The following KCTD5 variants were observed in gnomAD, a reference collection of about 807,000 sequenced individuals.
KCTD5 encodes the protein potassium channel tetramerization domain containing 5, also known as BTB/POZ domain-containing protein KCTD5.
In KCTD5, 12 loss-of-function variants were observed where a neutral mutation model predicts 27.9. The observed-to-expected ratio is 0.43, with a 90% CI of 0.28 to 0.70. The LOEUF (loss-of-function observed/expected upper bound fraction) is 0.70. Ranked by LOEUF, KCTD5 falls within the 30% of genes least tolerant of loss-of-function variation. The pLI, the probability that KCTD5 is intolerant of heterozygous loss-of-function variation, is 0.19. For synonymous variants in KCTD5, 147 were observed against 121.4 expected (o/e 1.21, Z -1.39); for missense variants, 226 against 274.8 (o/e 0.82, Z 1.26).
intron 1 of KCTD5, among the ~76,000 whole-genome samples, chr16:2,690,343 C>T (rs550549913): frequency 2.2e-4 from 33 of 152,330 alleles, no homozygotes; most frequent in South Asian, 4.1e-4. Context: ...TCCTGCCCGG[C>T]CTACGTCCTG....
rs566403819 is a variant in KCTD5 at position 2,707,892 on chromosome 16, C to T, written c.*565C>T. The T allele has an allele frequency of 1.3e-3, 210 of 167,320 alleles. No individual in the cohort carries two copies. Among genetic ancestry groups the T allele is most frequent in the African/African-American group, 4.7e-3 (197 of 42,086 alleles). The allele number at this position is 167,320 out of a possible 1,614,324, so 10.4% of individuals were successfully genotyped here. On this transcript the variant is annotated 3_prime_UTR_variant, in exon 6 of 6. Coordinates refer to ENST00000301738, the MANE Select transcript of KCTD5 (RefSeq NM_018992.4). Reference sequence around the variant, plus strand: ...CTGCTTCCCGGCGCCATTCCGAGGCCGGGCCTTCTTCTGACACGGGCTCCA... The same window carrying T: ...CTGCTTCCCGGCGCCATTCCGAGGCTGGGCCTTCTTCTGACACGGGCTCCA...
intron 5 of KCTD5, among the ~76,000 whole-genome samples, chr16:2,703,073 C>T (rs977103855): frequency 6.6e-6 from 1 of 152,208 alleles, no homozygotes; most frequent in East Asian, 1.9e-4. Flanking sequence ...TGCGGGGGCT[C>T]AGGCCCTTCT....
intron 4 of KCTD5, among the ~76,000 whole-genome samples, chr16:2,701,476 G>T (rs1484048842): frequency 6.6e-6 from 1 of 152,182 alleles, no homozygotes; most frequent in African/African-American, 2.4e-5. Flanking sequence ...GGGCATGGCC[G>T]TGAGTGCTCC....
At chr16:2,690,719 C>T (rs987472743) in intron 1 of KCTD5, among the ~76,000 whole-genome samples, 3 of 152,226 alleles carry the variant, frequency 2.0e-5, no homozygotes, top group African/African-American at 4.8e-5. Flanking sequence ...TTTCCTTCCT[C>T]GTGTCATGGG....
chr16:2,703,710 C>T (rs903443184), intron 5 of KCTD5, among the ~76,000 whole-genome samples: 8 of 152,200 alleles, frequency 5.3e-5, no homozygotes, highest in African/African-American at 1.9e-4. Flanking sequence ...GCTGGCCACC[C>T]GTTGTGCTCT....
rs540466129 is a variant in KCTD5 at position 2,706,272 on chromosome 16, G to T, written c.676-1026G>T. Among the ~76,000 whole-genome samples, 3 of 152,320 alleles carry T rather than the reference G, an allele frequency of 2.0e-5. No individual in the cohort carries two copies. In the East Asian group the frequency reaches 5.8e-4, roughly 29 times the overall value. ...GAGCCTTCGGAACAAGCCTGGGGTG[G>T]CATGCACCTCTCACCACTGCCCTCT... is the stretch of plus-strand genomic sequence containing the variant. On this transcript the variant is annotated intron_variant, in intron 5 of 5. Coordinates refer to ENST00000301738, the MANE Select transcript of KCTD5 (RefSeq NM_018992.4).
At position 2,707,818 on chromosome 16, in the gene KCTD5, TTC is replaced by T. The variant is rs2067643975; in HGVS notation, c.*496_*497del. 1 of 240,056 alleles carries T rather than the reference TTC, an allele frequency of 4.2e-6. No individual in the cohort carries two copies. Among genetic ancestry groups the T allele is most frequent in the Non-Finnish European group, 8.0e-6 (1 of 124,908 alleles). The allele number at this position is 240,056 out of a possible 1,614,324, so 14.9% of individuals were successfully genotyped here. A position where few individuals can be genotyped will look rare whatever the true frequency, so the allele number is the denominator to read the frequency against. On this transcript the variant is annotated 3_prime_UTR_variant, in exon 6 of 6. Coordinates refer to ENST00000301738, the MANE Select transcript of KCTD5 (RefSeq NM_018992.4). ...CTGCCTCCCAGGCGGGATCGCTGGT[TTC>T]TCTCGACCTCGCAGAGCTCCTGACA... is the stretch of plus-strand genomic sequence containing the variant.
intron 5 of KCTD5, among the ~76,000 whole-genome samples, chr16:2,705,129 C>T (rs563487893): frequency 4.6e-5 from 7 of 152,212 alleles, no homozygotes; most frequent in South Asian, 2.1e-4. Context: ...CGCTGCACGC[C>T]GCCAGAGTGA....
intron 1 of KCTD5, chr16:2,684,450 A>G (rs2067531194): frequency 6.6e-6 from 1 of 150,952 alleles, no homozygotes; most frequent in Non-Finnish European, 1.5e-5. Context: ...CCGGGCCAAT[A>G]TGGTGATGCC....
intron 5 of KCTD5, among the ~76,000 whole-genome samples, chr16:2,704,094 A>G (rs747848357): frequency 1.3e-5 from 2 of 152,238 alleles, no homozygotes; most frequent in African/African-American, 2.4e-5. Context: ...AGCTCCAGGC[A>G]TGACCCCAAA....
chr16:2,705,953 C>T (rs927625353), intron 5 of KCTD5, among the ~76,000 whole-genome samples: 2 of 152,252 alleles, frequency 1.3e-5, no homozygotes, highest in South Asian at 2.1e-4. Context: ...CTGGCCTGTC[C>T]GCTGCGCTAC....
chr16:2,699,925 C>A lies in KCTD5; in HGVS notation c.549+9C>A. 6.2e-7 allele frequency: 1 copy of A among 1,612,254 alleles called. No homozygotes were observed. On this transcript the variant is annotated intron_variant, in intron 4 of 5. Coordinates refer to ENST00000301738, the MANE Select transcript of KCTD5 (RefSeq NM_018992.4). ...GCTGGAAGTTCGAGCAGGTGAGGGG[C>A]CCTGGCCAGCCTGGTGGCAGCCATG...
chr16:2,698,217 C>T (rs1439721251), intron 3 of KCTD5, among the ~76,000 whole-genome samples: 1 of 152,250 alleles, frequency 6.6e-6, no homozygotes, highest in Non-Finnish European at 1.5e-5. Context: ...CCGGCCCAGA[C>T]TCTGGGAGCC....
At chr16:2,692,486 G>T (rs753139295) in intron 1 of KCTD5, among the ~76,000 whole-genome samples, 1 of 152,200 alleles carries the variant, frequency 6.6e-6, no homozygotes, top group Non-Finnish European at 1.5e-5. Context: ...AGAGAGGGTA[G>T]CTTCCCTCTG....
chr16:2,697,350 T>C (rs1253570714), intron 2 of KCTD5: 3 of 153,822 alleles, frequency 2.0e-5, no homozygotes, highest in African/African-American at 7.2e-5. Context: ...TGGCAGTCTT[T>C]GGGAAGAGCT....
rs565080162 is a variant in KCTD5, at chr16:2,702,959, C to G, written c.675+481C>G. Among the ~76,000 whole-genome samples the G allele has an allele frequency of 1.5e-3, 235 of 152,232 alleles. 1 individual carries two copies. The highest frequency in any genetic ancestry group is 5.3e-3 in the African/African-American group (220 of 41,546). On this transcript the variant is annotated intron_variant, in intron 5 of 5. Coordinates refer to ENST00000301738, the MANE Select transcript of KCTD5 (RefSeq NM_018992.4). ...TACCCTGGCTCAGCCACTACGTGGG[C>G]CTCATCTTTGTCGAGAGGAGGGTGT... is the stretch of plus-strand genomic sequence containing the variant.
intron 1 of KCTD5, among the ~76,000 whole-genome samples, chr16:2,692,134 G>A (rs965655059): frequency 2.6e-5 from 4 of 152,158 alleles, no homozygotes; most frequent in African/African-American, 9.7e-5. Flanking sequence ...CCATGGCTCC[G>A]GCTGGTAAAC....
intron 5 of KCTD5, among the ~76,000 whole-genome samples, chr16:2,704,835 G>A (rs925134641): frequency 3.9e-5 from 6 of 152,200 alleles, no homozygotes; most frequent in Non-Finnish European, 5.9e-5. Flanking sequence ...CTATCAGGCC[G>A]AGATCTGTGG....
At chr16:2,706,800 C>T (rs1017958483) in intron 5 of KCTD5, among the ~76,000 whole-genome samples, 29 of 134,812 alleles carry the variant, frequency 2.2e-4, no homozygotes, top group Non-Finnish European at 4.4e-4. Context: ...ATGGGGCAGT[C>T]GGGAGGGGCC....
Sources: allele counts gnomAD v4.1 joint callset (sites outside exome capture counted in the v4.1 genomes callset), GRCh38; gene constraint gnomAD v4.1.1; transcripts MANE v1.5; gene names NCBI Gene and HGNC (gene_info 2026-07-23, HGNC 2026-07-21).